SIMC1: variants seen among roughly 807,000 people sequenced by gnomAD.
SIMC1 encodes the protein SUMO-interacting motif-containing protein 1.
Under a neutral mutation model 82.3 loss-of-function variants are expected in SIMC1, and 55 were observed. The observed-to-expected ratio is 0.67, with a 90% CI of 0.54 to 0.84. The LOEUF (loss-of-function observed/expected upper bound fraction) is 0.84, where lower values mean the gene tolerates loss of function less well. Among genes scored for constraint, SIMC1 ranks in the 40% least tolerant of loss-of-function variants. The pLI is 0.00. For missense variants in SIMC1, 915 were observed against 1,107.2 expected (o/e 0.83, Z 2.46); for synonymous variants, 353 against 426.3 (o/e 0.83, Z 2.12).
At chr5:176,282,662 A>G (rs1171231776) in intron 1 of SIMC1, among the ~76,000 whole-genome samples, 1 of 152,252 alleles carries the variant, frequency 6.6e-6, no homozygotes, top group Non-Finnish European at 1.5e-5. Flanking sequence ...CAACAGAGCA[A>G]AGCTGGACAG....
intron 1 of SIMC1, among the ~76,000 whole-genome samples, chr5:176,248,347 G>T (rs1441270403): frequency 1.3e-5 from 2 of 152,110 alleles, no homozygotes; most frequent in South Asian, 2.1e-4. Context: ...GTATTCCTAG[G>T]TATTCTATTC....
chr5:176,256,619 T>C (rs1761858282), intron 1 of SIMC1, among the ~76,000 whole-genome samples: 1 of 152,228 alleles, frequency 6.6e-6, no homozygotes, highest in Non-Finnish European at 1.5e-5. Context: ...CCACATGAAA[T>C]GCACACATTA....
intron 4 of SIMC1, among the ~76,000 whole-genome samples, chr5:176,299,948 G>A (rs1208419242): frequency 6.6e-6 from 1 of 152,152 alleles, no homozygotes; most frequent in Non-Finnish European, 1.5e-5. Context: ...ACAATGGGAT[G>A]AAACTAGAAA....
At chr5:176,276,760 C>A (rs1171807453) in intron 1 of SIMC1, among the ~76,000 whole-genome samples, 3 of 141,116 alleles carry the variant, frequency 2.1e-5, no homozygotes, top group Non-Finnish European at 3.1e-5. Flanking sequence ...ATCCATGTCC[C>A]TACAAAGGAC....
intron 1 of SIMC1, among the ~76,000 whole-genome samples, chr5:176,255,710 A>G (rs6863942): frequency 0.12 from 16,832 of 142,210 alleles, 1,042 homozygotes; most frequent in Admixed American, 0.16. Flanking sequence ...AAATTAAAAA[A>G]TGAGTACTCC....
At chr5:176,305,600 C>T (rs1408253827) in intron 4 of SIMC1, among the ~76,000 whole-genome samples, 1 of 144,666 alleles carries the variant, frequency 6.9e-6, no homozygotes, top group Non-Finnish European at 1.5e-5. Context: ...GCCCTCCGCC[C>T]GGCCAACCCC....
At position 176,336,797 on chromosome 5, in the gene SIMC1, A is replaced by G. The variant is rs370089661; in HGVS notation, c.2249A>G (p.Glu750Gly). Residue 750 changes from glutamate to glycine, a missense_variant, in exon 8 of 10, where the codon GAG (glutamate) becomes GGG (glycine). This residue lies in a region of SIMC1 where 902 missense variants were observed against 1,040.3 expected (regional missense o/e 0.87). Coordinates refer to ENST00000429602, the MANE Select transcript of SIMC1 (RefSeq NM_001308195.2). ...VLEIIFLHSCETPTRLPLSLA... is the reference protein window; with the variant it reads ...VLEIIFLHSCGTPTRLPLSLA... Reference sequence around the variant, plus strand: ...GAAATCATATTCCTCCACAGCTGTGAGACACCCACCCGCCTGCCTCTGTCT... The same window carrying G: ...GAAATCATATTCCTCCACAGCTGTGGGACACCCACCCGCCTGCCTCTGTCT... 2 of 1,614,010 alleles carry G rather than the reference A, an allele frequency of 1.2e-6. No individual in the cohort carries two copies. The highest frequency in any genetic ancestry group is 1.7e-6 in the Non-Finnish European group (2 of 1,179,906).
chr5:176,277,127 A>G (rs543247646), intron 1 of SIMC1, among the ~76,000 whole-genome samples: 41 of 151,968 alleles, frequency 2.7e-4, no homozygotes, highest in African/African-American at 9.4e-4. Flanking sequence ...CTGACTTTTT[A>G]ATGATTGCCA....
intron 4 of SIMC1, among the ~76,000 whole-genome samples, chr5:176,312,536 C>CAAAAA (rs10551875): frequency 2.9e-5 from 2 of 70,012 alleles, no homozygotes; most frequent in South Asian, 5.5e-4. Context: ...GACTCCATCT[C>CAAAAA]AAAAAAAAAA....
At chr5:176,291,043 A>T in intron 2 of SIMC1, 88 bp downstream of exon 2, 1 of 757,912 alleles carries the variant, frequency 1.3e-6, no homozygotes, top group Non-Finnish European at 2.1e-6. Flanking sequence ...GCGTGAGAGG[A>T]CAGGTCAAGC....
chr5:176,250,275 C>T (rs1306057206), intron 1 of SIMC1, among the ~76,000 whole-genome samples: 19 of 152,268 alleles, frequency 1.2e-4, no homozygotes, highest in African/African-American at 4.6e-4. Flanking sequence ...TTGTGCAATT[C>T]TGAGTGAGTT....
chr5:176,262,804 C>CA (rs1395088073), intron 1 of SIMC1, among the ~76,000 whole-genome samples: 2 of 150,722 alleles, frequency 1.3e-5, no homozygotes, highest in Non-Finnish European at 3.0e-5. Flanking sequence ...GACTCTGTCT[C>CA]AAAAAAAGAA....
intron 1 of SIMC1, among the ~76,000 whole-genome samples, chr5:176,278,976 G>C (rs1762849695): frequency 6.6e-6 from 1 of 152,140 alleles, no homozygotes; most frequent in South Asian, 2.1e-4. Context: ...AAATGAGTTA[G>C]GAAGGATTCT....
At chr5:176,302,978 A>G (rs1764105899) in intron 4 of SIMC1, among the ~76,000 whole-genome samples, 1 of 152,182 alleles carries the variant, frequency 6.6e-6, no homozygotes, top group Non-Finnish European at 1.5e-5. Context: ...GTACTACCCA[A>G]AGTGATCTAC....
At chr5:176,336,673 G>A (rs779894520) in intron 7 of SIMC1, 47 bp from the exon 8 acceptor site, 1 of 1,595,824 alleles carries the variant, frequency 6.3e-7, no homozygotes, top group Non-Finnish European at 8.6e-7. Flanking sequence ...CATGTTCTTT[G>A]AAGCATAGTT....
chr5:176,290,401 C>T lies in SIMC1; in HGVS notation c.877C>T (p.Pro293Ser). The T allele has an allele frequency of 6.2e-7, 1 of 1,613,988 alleles. No homozygotes were observed. The highest frequency in any genetic ancestry group is 1.1e-5 in the South Asian group (1 of 91,080). ...CCTACCTCAAGATGTGCCAGGGCTG[C>T]CTCAAAGCATATTACATCCACAAGA... Reference protein sequence around the residue: ...LGLPQDVPGLPQSILHPQDVA... With the variant: ...LGLPQDVPGLSQSILHPQDVA... The change falls in exon 2 of 10, where the codon CCT (proline) becomes TCT (serine). Residue 293 changes from proline (P) to serine (S), a missense_variant. Around this residue, in one of 2 missense-constraint regions of SIMC1, gnomAD observed 902 missense variants for 1,040.3 expected, o/e 0.87. Transcript: ENST00000429602.
chr5:176,263,152 G>A (rs981727570), intron 1 of SIMC1, among the ~76,000 whole-genome samples: 2 of 152,148 alleles, frequency 1.3e-5, no homozygotes, highest in African/African-American at 4.8e-5. Context: ...TACATAAATG[G>A]AGAAACATTT....
In SIMC1 at chr5:176,243,357, G is replaced by T. The variant is rs142626214; in HGVS notation, c.129+4720G>T. Reference sequence around the variant, plus strand: ...GACTTACTGGAAGAATGGAAAGCCAGTGAGGCTGCAATGTAACGACTGATG... The same window carrying T: ...GACTTACTGGAAGAATGGAAAGCCATTGAGGCTGCAATGTAACGACTGATG... On this transcript the variant is annotated intron_variant, in intron 1 of 9. Coordinates refer to ENST00000429602, the MANE Select transcript of SIMC1 (RefSeq NM_001308195.2). Among the ~76,000 whole-genome samples the T allele has an allele frequency of 1.3e-3, 193 of 152,326 alleles. 1 individual carries two copies. Among genetic ancestry groups the T allele is most frequent in the African/African-American group, 4.5e-3 (187 of 41,568 alleles).
In SIMC1 at chr5:176,336,965, C is replaced by G. The variant is rs934088052; in HGVS notation, c.2328+89C>G. ...TCCCATAGGATTTTAGCTTAAAACA[C>G]AACTGTTTGAGCATTCTGTAAAGGT... On this transcript the variant is annotated intron_variant, in intron 8 of 9. Transcript: ENST00000429602. 3 of 1,598,570 alleles carry G rather than the reference C, an allele frequency of 1.9e-6. No individual in the cohort carries two copies. In the African/African-American group the frequency reaches 4.0e-5, roughly 22 times the overall value.
Sources: gnomAD v4.1 joint callset for allele counts (sites outside exome capture counted in the v4.1 genomes callset) on GRCh38, gnomAD v4.1.1 for gene constraint, gnomAD v4.1.1 regional missense constraint, MANE v1.5 for transcripts, NCBI Gene and HGNC (gene_info 2026-07-23, HGNC 2026-07-21) for gene names.